Variants in SLC45A4 observed in about 807,000 individuals in gnomAD.
SLC45A4 encodes polyamine-transporter SLC45A4.
In SLC45A4, 32 loss-of-function variants were observed where a neutral mutation model predicts 63.7. The observed-to-expected ratio is 0.50, with a 90% CI of 0.38 to 0.67. The LOEUF is 0.67. Ranked by LOEUF, SLC45A4 falls within the 30% of genes least tolerant of loss-of-function variation. SLC45A4 has a pLI of 0.00. For synonymous variants in SLC45A4, 535 were observed against 510.0 expected (o/e 1.05, Z -0.66); for missense variants, 1,027 against 1,157.7 (o/e 0.89, Z 1.64).
chr8:141,230,065 G>C, intron 2 of SLC45A4: 1 of 456,272 alleles, frequency 2.2e-6, no homozygotes, highest in Non-Finnish European at 4.4e-6. Flanking sequence ...AAAGTTCTCT[G>C]CAAGTCTACT....
chr8:141,211,125 A>C lies in SLC45A4; in HGVS notation c.*447T>G, dbSNP rs1825778985. 1 of 272,020 alleles carries C rather than the reference A, an allele frequency of 3.7e-6. No homozygotes were observed. The highest frequency in any genetic ancestry group is 1.2e-4 in the South Asian group (1 of 8,306). 16.9% of individuals were successfully genotyped at this position (272,020 alleles called of 1,614,324 possible). On this transcript the variant is annotated 3_prime_UTR_variant, in exon 9 of 9. Transcript: ENST00000517878. ...GGGGGAGGCCCTCGCACATCCACAC[A>C]CCCGAGGTAGCCTTGCGGCGGGACT...
In SLC45A4 at chr8:141,253,513, C is replaced by T. The variant is rs78005698; in HGVS notation, c.241+476G>A. Among the ~76,000 whole-genome samples the T allele has an allele frequency of 3.3e-5, 5 of 152,354 alleles. No individual in the cohort carries two copies. The East Asian group carries it at 7.7e-4, about 23-fold the overall frequency. ...CCACAGCCAGGCACTGTTCTAAGCACACCTGGGACCCTCTTAGGGTTGGTT... is the reference window on the plus strand; with the variant it reads ...CCACAGCCAGGCACTGTTCTAAGCATACCTGGGACCCTCTTAGGGTTGGTT... On this transcript the variant is annotated intron_variant, in intron 2 of 8. Coordinates refer to ENST00000517878, the MANE Select transcript of SLC45A4 (RefSeq NM_001286646.2).
chr8:141,285,119 G>T (rs532452069), intron 1 of SLC45A4, among the ~76,000 whole-genome samples: 28 of 152,316 alleles, frequency 1.8e-4, no homozygotes, highest in African/African-American at 6.5e-4. Context: ...CTCCTCTCCA[G>T]CGGCCCAGCG....
intron 1 of SLC45A4, among the ~76,000 whole-genome samples, chr8:141,265,610 T>C (rs1829235240): frequency 1.3e-5 from 2 of 152,210 alleles, no homozygotes; most frequent in Admixed American, 6.5e-5. Context: ...GAAAACTCCC[T>C]ACTGAGGCAT....
intron 1 of SLC45A4, among the ~76,000 whole-genome samples, chr8:141,302,871 C>T (rs2369613): frequency 0.96 from 145,437 of 152,278 alleles, 69,831 homozygotes; most frequent in Middle Eastern, 1. Flanking sequence ...TTCCCATATA[C>T]ACCAAACCAA....
At chr8:141,299,641 A>C (rs1171704126) in intron 1 of SLC45A4, among the ~76,000 whole-genome samples, 1 of 152,190 alleles carries the variant, frequency 6.6e-6, no homozygotes, top group African/African-American at 2.4e-5. Context: ...ATGCCGTTTT[A>C]CGTAAGCAAC....
chr8:141,209,289 C>G lies in SLC45A4; in HGVS notation c.*2283G>C, dbSNP rs1001313907. On this transcript the variant is annotated 3_prime_UTR_variant, in exon 9 of 9. Coordinates refer to ENST00000517878, the MANE Select transcript of SLC45A4 (RefSeq NM_001286646.2). ...CAATGGCGCTTTGCAGACAAGACAG[C>G]CTGCCCGTCTGCCCTTCTTCTCGGC... 6.6e-6 allele frequency: 1 copy of G among 152,476 alleles called. No homozygotes were observed. The highest frequency in any genetic ancestry group is 2.4e-5 in the African/African-American group (1 of 41,474). 9.4% of individuals were successfully genotyped at this position (152,476 alleles called of 1,614,324 possible). A position where few individuals can be genotyped will look rare whatever the true frequency, so the allele number is the denominator to read the frequency against.
intron 2 of SLC45A4, among the ~76,000 whole-genome samples, chr8:141,236,061 G>A (rs1417602781): frequency 1.3e-5 from 2 of 152,116 alleles, no homozygotes; most frequent in African/African-American, 4.8e-5. Flanking sequence ...CCGAGATCAC[G>A]CCACTGCACT....
chr8:141,282,635 C>A (rs1439075732), intron 1 of SLC45A4, among the ~76,000 whole-genome samples: 2 of 152,264 alleles, frequency 1.3e-5, no homozygotes, highest in Non-Finnish European at 2.9e-5. Context: ...CCCCTTTGCA[C>A]TTCACAACAT....
At chr8:141,248,369 A>G (rs113273477) in intron 2 of SLC45A4, among the ~76,000 whole-genome samples, 37 of 152,154 alleles carry the variant, frequency 2.4e-4, no homozygotes, top group African/African-American at 8.2e-4. Context: ...GGAGTTCTAG[A>G]CCAGCCAGGG....
chr8:141,257,190 G>A (rs1157701000), intron 1 of SLC45A4, among the ~76,000 whole-genome samples: 1 of 152,194 alleles, frequency 6.6e-6, no homozygotes, highest in African/African-American at 2.4e-5. Flanking sequence ...ACAGAATAGT[G>A]TAAGAAACCA....
At chr8:141,244,804 G>A (rs1343039788) in intron 2 of SLC45A4, among the ~76,000 whole-genome samples, 1 of 152,088 alleles carries the variant, frequency 6.6e-6, no homozygotes, top group East Asian at 1.9e-4. Flanking sequence ...GGCTCAGGAC[G>A]GGACACACAC....
intron 1 of SLC45A4, among the ~76,000 whole-genome samples, chr8:141,295,357 G>A (rs964083715): frequency 6.6e-6 from 1 of 152,206 alleles, no homozygotes; most frequent in Admixed American, 6.5e-5. Context: ...GAGCCCAAGG[G>A]CACCAGGCGG....
intron 1 of SLC45A4, among the ~76,000 whole-genome samples, chr8:141,290,490 T>C (rs1830306306): frequency 6.6e-6 from 1 of 152,254 alleles, no homozygotes; most frequent in South Asian, 2.1e-4. Context: ...AACTACCTGA[T>C]GTTTCCCCAC....
chr8:141,215,977 A>G lies in SLC45A4; in HGVS notation c.1730-7T>C, dbSNP rs1589759236. On this transcript the variant is annotated splice_polypyrimidine_tract_variant and splice_region_variant and intron_variant, in intron 6 of 8. Transcript: ENST00000517878. The surrounding 1 kb of genome is among the most constrained non-coding windows in gnomAD (Gnocchi z 4.3). ...AAGTACTTCTGTAACAGGGCTGCAG[A>G]GAGGGGCACAGGGACAAGGACAGTG... The G allele has an allele frequency of 6.2e-7, 1 of 1,611,760 alleles. No homozygotes were observed. The highest frequency in any genetic ancestry group is 8.5e-7 in the Non-Finnish European group (1 of 1,179,284).
Position 141,254,540 on chromosome 8 carries a change from G to A in SLC45A4, c.-311C>T. On this transcript the variant is annotated 5_prime_UTR_variant, in exon 2 of 9. Transcript: ENST00000517878. This position sits in a 1 kb window ranked among gnomAD's most constrained non-coding sequence, Gnocchi z 4.5. ...CAGTTTCATCATTATTACTGAAGAG[G>A]TGCTGAAGTGATTTTTCTTGCTACA... 1.4e-6 allele frequency: 1 copy of A among 702,520 alleles called. No homozygotes were observed. The highest frequency in any genetic ancestry group is 1.5e-5 in the South Asian group (1 of 67,590). The allele number at this position is 702,520 out of a possible 1,614,324, so 43.5% of individuals were successfully genotyped here.
intron 2 of SLC45A4, among the ~76,000 whole-genome samples, chr8:141,243,832 A>G (rs1406802986): frequency 6.6e-6 from 1 of 152,100 alleles, no homozygotes; most frequent in Non-Finnish European, 1.5e-5. Context: ...ATGAATAGGA[A>G]ATACATTTCT....
chr8:141,255,158 C>T (rs549155425), intron 1 of SLC45A4, among the ~76,000 whole-genome samples: 1 of 152,270 alleles, frequency 6.6e-6, no homozygotes, highest in Admixed American at 6.5e-5. Flanking sequence ...GGTCACACGA[C>T]CATGGCTCTC....
chr8:141,252,817 C>T (rs1056157718), intron 2 of SLC45A4, among the ~76,000 whole-genome samples: 1 of 150,376 alleles, frequency 6.6e-6, no homozygotes, highest in African/African-American at 2.5e-5. Context: ...TCACGCCCAC[C>T]TGCGTGTCTG....
Sources: allele counts gnomAD v4.1 joint callset (sites outside exome capture counted in the v4.1 genomes callset), GRCh38; gene constraint gnomAD v4.1.1; non-coding constraint Gnocchi (gnomAD v3.1); transcripts MANE v1.5; gene names NCBI Gene and HGNC (gene_info 2026-07-23, HGNC 2026-07-21).